Variants in SGCZ observed in about 807,000 individuals in gnomAD.
SGCZ encodes sarcoglycan zeta.
A neutral mutation model predicts 41.3 loss-of-function variants in SGCZ; 40 were observed. That is an observed-to-expected ratio of 0.97 (90% CI 0.75 to 1.26). SGCZ has a LOEUF of 1.26. Among genes scored for constraint, SGCZ ranks in the 50% most tolerant of loss-of-function variants. SGCZ has a pLI of 0.00. For missense variants in SGCZ, 552 were observed against 369.8 expected (o/e 1.49, Z -4.04); for synonymous variants, 206 against 137.5 (o/e 1.50, Z -3.49).
intron 7 of SGCZ, among the ~76,000 whole-genome samples, chr8:14,091,469 C>G (rs1218708547): frequency 6.6e-6 from 1 of 152,080 alleles, no homozygotes; most frequent in Non-Finnish European, 1.5e-5. Flanking sequence ...TATTTCTCCA[C>G]ATCCTCCCCA....
chr8:15,055,822 C>G (rs1438206251), intron 1 of SGCZ, among the ~76,000 whole-genome samples: 3 of 152,192 alleles, frequency 2.0e-5, no homozygotes, highest in Non-Finnish European at 4.4e-5. Flanking sequence ...ATCCACGAAC[C>G]CAGCCTGATA....
chr8:14,784,914 ATATATATAT>A (rs1800710244), intron 1 of SGCZ, among the ~76,000 whole-genome samples: 9 of 58,934 alleles, frequency 1.5e-4, no homozygotes, highest in Non-Finnish European at 2.1e-4. Context: ...AAAAAAAAAA[ATATATATAT>A]ATATATATAT....
chr8:14,222,101 G>A (rs907287620), intron 4 of SGCZ, among the ~76,000 whole-genome samples: 1 of 152,136 alleles, frequency 6.6e-6, no homozygotes, highest in Non-Finnish European at 1.5e-5. Flanking sequence ...AATCTCCAAT[G>A]AGATGGTACT....
intron 1 of SGCZ, among the ~76,000 whole-genome samples, chr8:15,005,727 G>A (rs1802590882): frequency 6.6e-6 from 1 of 151,530 alleles, no homozygotes; most frequent in African/African-American, 2.4e-5. Flanking sequence ...GTCTTCATAA[G>A]AAGCAAATTG....
intron 2 of SGCZ, among the ~76,000 whole-genome samples, chr8:14,359,733 CA>C (rs1266098300): frequency 6.8e-6 from 1 of 146,870 alleles, no homozygotes; most frequent in Non-Finnish European, 1.5e-5. Flanking sequence ...CAAACTATTC[CA>C]AAAAAACAGA....
At chr8:14,895,196 C>A (rs1229780401) in intron 1 of SGCZ, among the ~76,000 whole-genome samples, 1 of 152,042 alleles carries the variant, frequency 6.6e-6, no homozygotes, top group African/African-American at 2.4e-5. Flanking sequence ...CAGTTGTTGC[C>A]AACTAGTTGT....
chr8:14,851,368 CAAA>C lies in SGCZ; in HGVS notation c.40-296445_40-296443del, dbSNP rs369090223. Among the ~76,000 whole-genome samples the C allele has an allele frequency of 9.7e-5, 6 of 61,920 alleles. No homozygotes were observed. The Admixed American group carries it at 9.8e-4, about 10-fold the overall frequency. The allele number at this position is 61,920 out of a possible 152,430, so 40.6% of individuals were successfully genotyped here. ...TGGGCGACAGAGCGAGACTCCATCTCAAAAAAAAAAAAAAAAAAAAAAGAAAAA... is the reference window on the plus strand; with the variant it reads ...TGGGCGACAGAGCGAGACTCCATCTCAAAAAAAAAAAAAAAAAAAGAAAAA... On this transcript the variant is annotated intron_variant, in intron 1 of 7. Coordinates refer to ENST00000382080, the MANE Select transcript of SGCZ (RefSeq NM_139167.4).
chr8:14,975,049 C>T (rs1488381999), intron 1 of SGCZ, among the ~76,000 whole-genome samples: 1 of 151,840 alleles, frequency 6.6e-6, no homozygotes, highest in African/African-American at 2.4e-5. Context: ...ATTCCAGCCT[C>T]GGATCCCAGC....
At position 15,101,508 on chromosome 8, in the gene SGCZ, A is replaced by G. The variant is rs79715195; in HGVS notation, c.39+136077T>C. On this transcript the variant is annotated intron_variant, in intron 1 of 7. Coordinates refer to ENST00000382080, the MANE Select transcript of SGCZ (RefSeq NM_139167.4). ...AAAATACTCCATAACAGATGTCACTAGGAAATTGCAAATTAAAACAACATG... is the reference window on the plus strand; with the variant it reads ...AAAATACTCCATAACAGATGTCACTGGGAAATTGCAAATTAAAACAACATG... Among the ~76,000 whole-genome samples the G allele has an allele frequency of 7.5e-4, 115 of 152,350 alleles. No homozygotes were observed. In the East Asian group the frequency reaches 0.021, roughly 28 times the overall value.
At chr8:14,301,180 C>T (rs572702301) in intron 3 of SGCZ, among the ~76,000 whole-genome samples, 1 of 151,940 alleles carries the variant, frequency 6.6e-6, no homozygotes, top group Admixed American at 6.6e-5. Flanking sequence ...TTAGTATTAA[C>T]ATGTACAACC....
At chr8:15,190,793 CT>C (rs1305230542) in intron 1 of SGCZ, among the ~76,000 whole-genome samples, 1 of 151,992 alleles carries the variant, frequency 6.6e-6, no homozygotes, top group Non-Finnish European at 1.5e-5. Context: ...AAAAAGTCTT[CT>C]TTAGTAACTA....
chr8:14,648,654 T>C (rs1807301991), intron 1 of SGCZ, among the ~76,000 whole-genome samples: 1 of 152,128 alleles, frequency 6.6e-6, no homozygotes, highest in African/African-American at 2.4e-5. Flanking sequence ...TCTGATAATT[T>C]ATTATTGTTT....
rs1554532881 is a variant in SGCZ at position 14,528,833 on chromosome 8, A to AAAT, written c.234+25898_234+25899insATT. 1.6e-3 allele frequency among the ~76,000 whole-genome samples: 156 copies of AAAT among 97,012 alleles called. 1 individual carries two copies. The highest frequency in any genetic ancestry group is 2.9e-3 in the South Asian group (6 of 2,068). The allele number at this position is 97,012 out of a possible 152,430, so 63.6% of individuals were successfully genotyped here. On this transcript the variant is annotated intron_variant, in intron 2 of 7. Coordinates refer to ENST00000382080, the MANE Select transcript of SGCZ (RefSeq NM_139167.4). ...CACAACATCACGGACCAGCCAAAAA[A>AAAT]AAAACAAAACAAAAACAAAAAAAGA...
chr8:14,558,581 AG>A (rs1161924439), intron 1 of SGCZ, among the ~76,000 whole-genome samples: 1 of 135,164 alleles, frequency 7.4e-6, no homozygotes, highest in Admixed American at 7.5e-5. Flanking sequence ...TCTTAGAGAG[AG>A]AGAGAGAGAG....
chr8:14,554,609 G>C (rs1356437248), intron 2 of SGCZ, 123 bp downstream of exon 2: 1 of 794,296 alleles, frequency 1.3e-6, no homozygotes, highest in Non-Finnish European at 1.9e-6. Context: ...ATTTTCTTTG[G>C]GATTTAAAAA....
At chr8:14,569,246 C>G (rs771390239) in intron 1 of SGCZ, among the ~76,000 whole-genome samples, 4 of 152,148 alleles carry the variant, frequency 2.6e-5, no homozygotes, top group African/African-American at 9.7e-5. Flanking sequence ...TTCATTGCAG[C>G]TGAAAATCAA....
intron 5 of SGCZ, among the ~76,000 whole-genome samples, chr8:14,162,026 T>G (rs752256886): frequency 6.6e-6 from 1 of 152,050 alleles, no homozygotes; most frequent in Non-Finnish European, 1.5e-5. Context: ...GCAGAAAAAC[T>G]TAGATTTTTC....
At chr8:14,864,586 ATTGT>A (rs1157491224) in intron 1 of SGCZ, among the ~76,000 whole-genome samples, 8 of 152,128 alleles carry the variant, frequency 5.3e-5, no homozygotes, top group African/African-American at 4.8e-5. Context: ...TAAGATTTAG[ATTGT>A]TTGTTTGTAG....
In SGCZ at chr8:14,902,285, C is replaced by A. The variant is rs1372383969; in HGVS notation, c.39+335300G>T. ...GTCTTTTACTTGTTTCTCTTGTCTT[C>A]CGTTCTTAATCTTTTCTTCTACAGT... On this transcript the variant is annotated intron_variant, in intron 1 of 7. Transcript: ENST00000382080. Among the ~76,000 whole-genome samples the A allele has an allele frequency of 8.6e-5, 13 of 152,022 alleles. No individual in the cohort carries two copies. The East Asian group carries it at 2.3e-3, about 27-fold the overall frequency.
Sources: allele counts gnomAD v4.1 joint callset (sites outside exome capture counted in the v4.1 genomes callset), GRCh38; gene constraint gnomAD v4.1.1; transcripts MANE v1.5; gene names NCBI Gene and HGNC (gene_info 2026-07-23, HGNC 2026-07-21).